The following GPC5 variants were observed in gnomAD, a reference collection of about 807,000 sequenced individuals.
GPC5 encodes glypican-5.
A neutral mutation model predicts 53.9 loss-of-function variants in GPC5; 47 were observed. The observed-to-expected ratio is 0.87, with a 90% confidence interval of 0.69 to 1.11. GPC5 has a LOEUF of 1.11. Among genes scored for constraint, GPC5 ranks in the 50% most tolerant of loss-of-function variants. The pLI is 0.00. For synonymous variants in GPC5, 286 were observed against 263.3 expected (o/e 1.09, Z -0.84); for missense variants, 748 against 713.1 (o/e 1.05, Z -0.56).
chr13:92,365,878 G>C (rs1198443499), intron 7 of GPC5, among the ~76,000 whole-genome samples: 1 of 150,784 alleles, frequency 6.6e-6, no homozygotes, highest in South Asian at 2.1e-4. Flanking sequence ...CTTGCCTGAG[G>C]CTGTTTTATA....
chr13:92,482,156 G>A (rs1879383409), intron 7 of GPC5, among the ~76,000 whole-genome samples: 1 of 151,938 alleles, frequency 6.6e-6, no homozygotes, highest in Non-Finnish European at 1.5e-5. Context: ...CTGATGTTGG[G>A]TGCGTAGCAG....
At chr13:92,640,426 AT>A (rs541894175) in intron 7 of GPC5, among the ~76,000 whole-genome samples, 1 of 151,808 alleles carries the variant, frequency 6.6e-6, no homozygotes, top group African/African-American at 2.4e-5. Flanking sequence ...TGCCCAGCTA[AT>A]TTTTTTGTAT....
At chr13:92,841,401 T>G (rs530666776) in intron 7 of GPC5, among the ~76,000 whole-genome samples, 1 of 152,240 alleles carries the variant, frequency 6.6e-6, no homozygotes, top group South Asian at 2.1e-4. Context: ...ATATATAAAA[T>G]GTATAGTATA....
At chr13:91,963,726 A>T (rs989025755) in intron 6 of GPC5, among the ~76,000 whole-genome samples, 6 of 152,168 alleles carry the variant, frequency 3.9e-5, no homozygotes, top group African/African-American at 1.4e-4. Flanking sequence ...CAGTGGGGGT[A>T]TAAGAATAGG....
chr13:92,468,832 C>G (rs1254097636), intron 7 of GPC5, among the ~76,000 whole-genome samples: 1 of 152,104 alleles, frequency 6.6e-6, no homozygotes, highest in Non-Finnish European at 1.5e-5. Context: ...AAGTGTCATC[C>G]TGTACCCATT....
At chr13:91,499,367 G>A (rs901677468) in intron 2 of GPC5, among the ~76,000 whole-genome samples, 5 of 152,146 alleles carry the variant, frequency 3.3e-5, no homozygotes, top group Admixed American at 3.3e-4. Flanking sequence ...TGAAACAAGA[G>A]AGGGAGAGAA....
At chr13:91,977,884 G>T (rs1237067613) in intron 6 of GPC5, among the ~76,000 whole-genome samples, 4 of 151,692 alleles carry the variant, frequency 2.6e-5, no homozygotes, top group African/African-American at 7.3e-5. Context: ...GGTGGAGGTG[G>T]GAGAATCCCT....
At chr13:91,931,972 T>C (rs1277241773) in intron 6 of GPC5, among the ~76,000 whole-genome samples, 1 of 151,990 alleles carries the variant, frequency 6.6e-6, no homozygotes, top group Non-Finnish European at 1.5e-5. Context: ...TAACATGCTA[T>C]AAACACTTAT....
chr13:91,648,336 G>A (rs984757982), intron 2 of GPC5, among the ~76,000 whole-genome samples: 6 of 151,534 alleles, frequency 4.0e-5, no homozygotes, highest in African/African-American at 1.5e-4. Context: ...AAATGATACT[G>A]TTTTTAATTG....
intron 7 of GPC5, among the ~76,000 whole-genome samples, chr13:92,817,020 G>C (rs1208108258): frequency 1.3e-5 from 2 of 151,866 alleles, no homozygotes; most frequent in Non-Finnish European, 2.9e-5. Context: ...AAAATGGGTT[G>C]GTTCACCTAG....
At chr13:91,441,051 G>A (rs1035184576) in intron 1 of GPC5, among the ~76,000 whole-genome samples, 38 of 152,072 alleles carry the variant, frequency 2.5e-4, no homozygotes, top group East Asian at 9.6e-4. Flanking sequence ...CACTTTGTAC[G>A]TGGAATATCC....
chr13:91,478,902 T>TATATATATATATATATATATAC (rs201918417), intron 2 of GPC5, among the ~76,000 whole-genome samples: 1 of 90,296 alleles, frequency 1.1e-5, no homozygotes, highest in Non-Finnish European at 2.1e-5. Context: ...TATATATATA[T>TATATATATATATATATATATAC]GCACATATAT....
intron 5 of GPC5, among the ~76,000 whole-genome samples, chr13:91,904,644 G>A (rs967644023): frequency 2.0e-5 from 3 of 151,942 alleles, no homozygotes; most frequent in African/African-American, 4.8e-5. Flanking sequence ...TACATGGTGG[G>A]TTAGTCCAGG....
At chr13:91,978,868 A>T (rs112935103) in intron 6 of GPC5, among the ~76,000 whole-genome samples, 3,605 of 152,306 alleles carry the variant, frequency 0.024, 142 homozygotes, top group African/African-American at 0.082. Context: ...TTGGAATAAG[A>T]TTATGGCAGT....
intron 7 of GPC5, among the ~76,000 whole-genome samples, chr13:92,506,932 A>G (rs547339659): frequency 3.8e-4 from 58 of 152,290 alleles, no homozygotes; most frequent in African/African-American, 1.3e-3. Context: ...AGATCATTGC[A>G]CTTAAGATAT....
intron 7 of GPC5, among the ~76,000 whole-genome samples, chr13:92,281,743 C>T (rs1203674465): frequency 6.6e-6 from 1 of 152,188 alleles, no homozygotes; most frequent in East Asian, 1.9e-4. Flanking sequence ...AAAACCCCAT[C>T]TGTACATCAA....
chr13:91,433,650 A>G (rs1210947603), intron 1 of GPC5, among the ~76,000 whole-genome samples: 2 of 151,984 alleles, frequency 1.3e-5, no homozygotes, highest in African/African-American at 4.8e-5. Flanking sequence ...GAATAGTGCC[A>G]CAATAAACAT....
rs192761105 is a variant in GPC5, at chr13:92,821,331, G to A, written c.1562-44951G>A. Among the ~76,000 whole-genome samples the A allele has an allele frequency of 2.0e-3, 298 of 152,236 alleles. 1 individual carries two copies. The highest frequency in any genetic ancestry group is 3.4e-3 in the Middle Eastern group (1 of 294). On this transcript the variant is annotated intron_variant, in intron 7 of 7. Transcript: ENST00000377067. ...CTACTACTTCCTTTTCACAATTTGT[G>A]TAATTAGAATTATGCATGCATTTCC...
At position 92,046,848 on chromosome 13, in the gene GPC5, T is replaced by C. The variant is rs1305268400; in HGVS notation, c.1402-97982T>C. 7.9e-5 allele frequency among the ~76,000 whole-genome samples: 12 copies of C among 152,362 alleles called. No individual in the cohort carries two copies. In the South Asian group the frequency reaches 1.9e-3, roughly 24 times the overall value. ...AGCATGCAGACTTCTGTCTTTATAA[T>C]GCATTCGTGTATATTTTCGCAGGGA... On this transcript the variant is annotated intron_variant, in intron 6 of 7. Coordinates refer to ENST00000377067, the MANE Select transcript of GPC5 (RefSeq NM_004466.6).
Sources: allele counts gnomAD v4.1 joint callset (sites outside exome capture counted in the v4.1 genomes callset), GRCh38; gene constraint gnomAD v4.1.1; transcripts MANE v1.5; gene names NCBI Gene and HGNC (gene_info 2026-07-23, HGNC 2026-07-21).